The following GPC5 variants were observed in gnomAD, a reference collection of about 807,000 sequenced individuals.
GPC5 encodes the protein glypican 5.
Under a neutral mutation model 53.9 loss-of-function variants are expected in GPC5, and 47 were observed. The observed-to-expected ratio is 0.87, with a 90% confidence interval of 0.69 to 1.11. GPC5 has a LOEUF of 1.11. GPC5 is among the 50% of genes most tolerant of loss of function. GPC5 has a pLI of 0.00. For synonymous variants in GPC5, 286 were observed against 263.3 expected, an observed-to-expected ratio of 1.09 and a Z score of -0.84; for missense variants, 748 against 713.1, an observed-to-expected ratio of 1.05 and a Z score of -0.56.
intron 7 of GPC5, among the ~76,000 whole-genome samples, chr13:92,434,115 C>A (rs1005294669): frequency 6.6e-6 from 1 of 152,030 alleles, no homozygotes; most frequent in Non-Finnish European, 1.5e-5. Context: ...TAGACCTTGC[C>A]CTCATTGGGA....
At chr13:91,742,318 A>T (rs2036952642) in intron 4 of GPC5, among the ~76,000 whole-genome samples, 1 of 152,204 alleles carries the variant, frequency 6.6e-6, no homozygotes, top group Non-Finnish European at 1.5e-5. Context: ...GAATGTTCCC[A>T]GAAAAAGAAA....
At chr13:92,750,873 T>C (rs1372886110) in intron 7 of GPC5, among the ~76,000 whole-genome samples, 1 of 152,208 alleles carries the variant, frequency 6.6e-6, no homozygotes, top group Non-Finnish European at 1.5e-5. Context: ...ATGATATGTA[T>C]GTTTTCTGGC....
At chr13:92,104,539 A>G (rs2041492781) in intron 6 of GPC5, among the ~76,000 whole-genome samples, 2 of 152,140 alleles carry the variant, frequency 1.3e-5, no homozygotes, top group African/African-American at 2.4e-5. Context: ...TGCCCCATTT[A>G]TTAGAGGAGA....
chr13:92,495,928 G>A (rs889090499), intron 7 of GPC5, among the ~76,000 whole-genome samples: 7 of 151,784 alleles, frequency 4.6e-5, no homozygotes, highest in East Asian at 1.9e-4. Context: ...TTAAAGTTAC[G>A]CTAACTCCAA....
intron 7 of GPC5, among the ~76,000 whole-genome samples, chr13:92,450,923 G>T (rs1227283648): frequency 6.6e-6 from 1 of 152,144 alleles, no homozygotes; most frequent in Non-Finnish European, 1.5e-5. Context: ...ACTAAAATGA[G>T]ATAAGAAAGG....
intron 2 of GPC5, among the ~76,000 whole-genome samples, chr13:91,485,079 G>A (rs1883516551): frequency 6.6e-6 from 1 of 152,174 alleles, no homozygotes; most frequent in African/African-American, 2.4e-5. Flanking sequence ...CTGAATCAGA[G>A]TTTTCATGTT....
intron 7 of GPC5, among the ~76,000 whole-genome samples, chr13:92,396,015 G>T: frequency 6.8e-6 from 1 of 146,694 alleles, no homozygotes. Context: ...AATTAATTTT[G>T]GAAAAATCTC....
chr13:91,480,100 T>G (rs533880059), intron 2 of GPC5, among the ~76,000 whole-genome samples: 2 of 152,334 alleles, frequency 1.3e-5, no homozygotes, highest in South Asian at 4.1e-4. Context: ...GTGAAAGATG[T>G]TCTCATTAGA....
chr13:92,458,811 T>A (rs1368130169), intron 7 of GPC5, among the ~76,000 whole-genome samples: 1 of 152,146 alleles, frequency 6.6e-6, no homozygotes, highest in Non-Finnish European at 1.5e-5. Context: ...AGATTCTTTA[T>A]CATCCTTATT....
At chr13:92,281,431 G>A (rs930524985) in intron 7 of GPC5, among the ~76,000 whole-genome samples, 8 of 152,218 alleles carry the variant, frequency 5.3e-5, no homozygotes, top group Admixed American at 4.6e-4. Context: ...TGAGATCTGA[G>A]AACAGACAGA....
chr13:92,119,131 C>A (rs2138940613), intron 6 of GPC5, among the ~76,000 whole-genome samples: 1 of 152,220 alleles, frequency 6.6e-6, no homozygotes, highest in Admixed American at 6.5e-5. Context: ...GGCAAATGAG[C>A]AAAGTCATGT....
intron 7 of GPC5, among the ~76,000 whole-genome samples, chr13:92,435,886 T>A (rs1877285682): frequency 6.6e-6 from 1 of 152,172 alleles, no homozygotes; most frequent in African/African-American, 2.4e-5. Flanking sequence ...TTAATTCAAC[T>A]CAAAACAACT....
intron 7 of GPC5, among the ~76,000 whole-genome samples, chr13:92,272,903 GAGA>G (rs926084749): frequency 2.0e-5 from 3 of 152,220 alleles, no homozygotes; most frequent in African/African-American, 7.2e-5. Context: ...GCCTCAAATT[GAGA>G]AGGATAGAAA....
Position 91,399,042 on chromosome 13 carries a change from C to A in GPC5, c.-5C>A. The A allele has an allele frequency of 6.5e-7, 1 of 1,546,654 alleles. No individual in the cohort carries two copies. The highest frequency in any genetic ancestry group is 8.7e-7 in the Non-Finnish European group (1 of 1,145,442). On this transcript the variant is annotated 5_prime_UTR_variant, in exon 1 of 8. Coordinates refer to ENST00000377067, the MANE Select transcript of GPC5 (RefSeq NM_004466.6). Reference sequence around the variant, plus strand: ...TGGCGGGTAAAGGGGACCAGGACGGCGAGGATGGACGCACAGACCTGGCCC... The same window carrying A: ...TGGCGGGTAAAGGGGACCAGGACGGAGAGGATGGACGCACAGACCTGGCCC...
At chr13:91,446,890 G>A (rs928061327) in intron 1 of GPC5, among the ~76,000 whole-genome samples, 2 of 152,194 alleles carry the variant, frequency 1.3e-5, no homozygotes, top group African/African-American at 2.4e-5. Context: ...TGCTGCATGC[G>A]CGCATGAGAA....
At chr13:92,592,890 C>T (rs563534603) in intron 7 of GPC5, among the ~76,000 whole-genome samples, 1 of 151,228 alleles carries the variant, frequency 6.6e-6, no homozygotes, top group African/African-American at 2.4e-5. Flanking sequence ...TTCGGTGGCC[C>T]TCATGCGTGC....
At chr13:91,947,851 A>G (rs2039988135) in intron 6 of GPC5, among the ~76,000 whole-genome samples, 2 of 152,202 alleles carry the variant, frequency 1.3e-5, no homozygotes, top group Non-Finnish European at 2.9e-5. Context: ...TACTTGGACC[A>G]TAATAGGCAT....
In GPC5 at chr13:92,438,302, T is replaced by C. The variant is rs79658031; in HGVS notation, c.1561+293313T>C. Among the ~76,000 whole-genome samples the C allele has an allele frequency of 5.2e-3, 791 of 152,002 alleles. 13 individuals are homozygous for C. The highest frequency in any genetic ancestry group is 0.027 in the Middle Eastern group (8 of 294). The stretch of plus-strand genomic sequence containing the variant: ...CCCAAAGAAAATCACACGTAAGCTG[T>C]GTCCTGGAGGTAGCATCAGCATTTA... On this transcript the variant is annotated intron_variant, in intron 7 of 7. Transcript: ENST00000377067.
intron 7 of GPC5, among the ~76,000 whole-genome samples, chr13:92,245,037 G>T: frequency 7.6e-6 from 1 of 131,102 alleles, no homozygotes. Flanking sequence ...GACTCCATCT[G>T]AAAAAAAAAA....
Sources: gnomAD v4.1 joint callset for allele counts (sites outside exome capture counted in the v4.1 genomes callset) on GRCh38, gnomAD v4.1.1 for gene constraint, MANE v1.5 for transcripts, NCBI Gene and HGNC (gene_info 2026-07-23, HGNC 2026-07-21) for gene names.